INTS2: variants seen among roughly 807,000 people sequenced by gnomAD.
The protein encoded by INTS2 is KIAA1287.
A neutral mutation model predicts 139.6 loss-of-function variants in INTS2; 57 were observed. The ratio of observed to expected loss-of-function variants is 0.41; its 90% CI spans 0.33 to 0.51. The LOEUF is 0.51. INTS2 is among the 20% of genes least tolerant of loss of function. The pLI, the probability that INTS2 is intolerant of heterozygous loss-of-function variation, is 0.28. For synonymous variants in INTS2, 473 were observed against 493.4 expected (o/e 0.96, Z 0.55); for missense variants, 1,196 against 1,436.7 (o/e 0.83, Z 2.71).
chr17:61,878,734 A>G (rs1175934680), intron 17 of INTS2, among the ~76,000 whole-genome samples: 1 of 151,904 alleles, frequency 6.6e-6, no homozygotes, highest in Non-Finnish European at 1.5e-5. Context: ...ATGAGTCCAG[A>G]AGTTCAAGAC....
chr17:61,889,994 C>T, intron 14 of INTS2, 100 bp from the exon 15 acceptor site: 1 of 697,270 alleles, frequency 1.4e-6, no homozygotes, highest in Non-Finnish European at 2.5e-6. Flanking sequence ...TTCAGCATTG[C>T]TGCTCCTAAC....
chr17:61,911,371 T>C (rs189221213), intron 7 of INTS2, 149 bp downstream of exon 7: 39 of 552,880 alleles, frequency 7.1e-5, no homozygotes, highest in Non-Finnish European at 8.4e-5. Context: ...TTGGTATCCT[T>C]AGTGATTTTT....
At position 61,909,819 on chromosome 17, in the gene INTS2, G is replaced by A. The variant is rs200173358; in HGVS notation, c.954+1701C>T. On this transcript the variant is annotated intron_variant, in intron 7 of 24. Transcript: ENST00000251334. This position sits in a 1 kb window ranked among gnomAD's most constrained non-coding sequence, Gnocchi z 4.9. ...CATATATACGTGTGTGTGTACATGT[G>A]TGTATGTGTGTGTGTGTGTGTGTGT... Among the ~76,000 whole-genome samples, 492 of 64,442 alleles carry A rather than the reference G, an allele frequency of 7.6e-3. 3 individuals carry two copies. Among genetic ancestry groups the A allele is most frequent in the Middle Eastern group, 0.018 (3 of 170 alleles). 42.3% of individuals were successfully genotyped at this position (64,442 alleles called of 152,430 possible). A position where few individuals can be genotyped will look rare whatever the true frequency, so the allele number is the denominator to read the frequency against.
Position 61,897,812 on chromosome 17 carries a change from G to GTTATTTT in INTS2, c.1308-80_1308-74dup. ...GCATATGAATAAAAAGCATTCTGAA[G>GTTATTTT]TTATTTTTGGTAGAAATTATTTTTC... On this transcript the variant is annotated intron_variant, in intron 9 of 24. Transcript: ENST00000251334. This position sits in a 1 kb window ranked among gnomAD's most constrained non-coding sequence, Gnocchi z 4.4. 9.7e-7 allele frequency: 1 copy of GTTATTTT among 1,032,208 alleles called. No individual in the cohort carries two copies. The highest frequency in any genetic ancestry group is 2.5e-4 in the Middle Eastern group (1 of 3,934). 63.9% of individuals were successfully genotyped at this position (1,032,208 alleles called of 1,614,324 possible).
chr17:61,878,950 A>AAAC (rs2079152010), intron 17 of INTS2, among the ~76,000 whole-genome samples: 2 of 150,760 alleles, frequency 1.3e-5, no homozygotes, highest in East Asian at 1.9e-4. Context: ...AAAAAAAAAA[A>AAAC]AAAACACTTT....
chr17:61,868,945 G>GA lies in INTS2; in HGVS notation c.3244+88dup. ...TGTATCATACTGTCTCAGAGTGACAGAAAAAACATATTGCATCACTAAATG... is the reference window on the plus strand; with the variant it reads ...TGTATCATACTGTCTCAGAGTGACAGAAAAAAACATATTGCATCACTAAATG... On this transcript the variant is annotated intron_variant, in intron 23 of 24. Coordinates refer to ENST00000251334, the MANE Select transcript of INTS2 (RefSeq NM_001351695.2). This position sits in a 1 kb window ranked among gnomAD's most constrained non-coding sequence, Gnocchi z 4.7. The GA allele has an allele frequency of 2.6e-6, 2 of 774,460 alleles. No individual in the cohort carries two copies. Among genetic ancestry groups the GA allele is most frequent in the Non-Finnish European group, 4.4e-6 (2 of 454,666 alleles). 48.0% of individuals were successfully genotyped at this position (774,460 alleles called of 1,614,324 possible). A position where few individuals can be genotyped will look rare whatever the true frequency, so the allele number is the denominator to read the frequency against.
At position 61,877,901 on chromosome 17, in the gene INTS2, A is replaced by G. The variant is rs2079139746; in HGVS notation, c.2442T>C (p.Thr814=). 4 of 1,611,892 alleles carry G rather than the reference A, an allele frequency of 2.5e-6. No individual in the cohort carries two copies. The highest frequency in any genetic ancestry group is 2.5e-6 in the Non-Finnish European group (3 of 1,177,996). ...TVNKLWMVLN[T]VMPRRLWVMT... ...ACTGAATTTACCTTCTAGGCATCAC[A>G]GTATTAAGAACCATCCATAGTTTAT... Residue 814 remains threonine, a synonymous_variant, in exon 18 of 25, where the codon ACT becomes ACC. Coordinates refer to ENST00000251334, the MANE Select transcript of INTS2 (RefSeq NM_001351695.2).
intron 17 of INTS2, among the ~76,000 whole-genome samples, chr17:61,879,563 T>G (rs989443811): frequency 2.6e-5 from 4 of 152,176 alleles, no homozygotes; most frequent in Admixed American, 1.3e-4. Flanking sequence ...TGAAATAATA[T>G]TGGCAGGCCA....
At chr17:61,890,613 A>G (rs1241190336) in intron 14 of INTS2, among the ~76,000 whole-genome samples, 2 of 151,326 alleles carry the variant, frequency 1.3e-5, no homozygotes, top group Non-Finnish European at 2.9e-5. Context: ...CTGTCTCAAA[A>G]AAAAAAAAAA....
intron 2 of INTS2, 36 bp from the exon 3 acceptor site, chr17:61,925,135 C>T (rs779873140): frequency 1.1e-5 from 17 of 1,578,238 alleles, no homozygotes; most frequent in Non-Finnish European, 1.5e-5. Flanking sequence ...ATTATGAAAA[C>T]ACTGATATGG....
Position 61,872,551 on chromosome 17 carries a change from A to C in INTS2, c.2583-91T>G. ...CATGATCAATTTAGTTTAAATGCTG[A>C]GAAAAACCTGAGTAGTACATACTAA... is the stretch of plus-strand genomic sequence containing the variant. On this transcript the variant is annotated intron_variant, in intron 19 of 24. Coordinates refer to ENST00000251334, the MANE Select transcript of INTS2 (RefSeq NM_001351695.2). This position sits in a 1 kb window ranked among gnomAD's most constrained non-coding sequence, Gnocchi z 4.8. 2.4e-6 allele frequency: 2 copies of C among 839,004 alleles called. No homozygotes were observed. Among genetic ancestry groups the C allele is most frequent in the Non-Finnish European group, 3.5e-6 (2 of 571,210 alleles). 52.0% of individuals were successfully genotyped at this position (839,004 alleles called of 1,614,324 possible).
At position 61,921,730 on chromosome 17, in the gene INTS2, T is replaced by C. The variant is rs767170204; in HGVS notation, c.530A>G (p.Gln177Arg). 6.4e-7 allele frequency: 1 copy of C among 1,562,980 alleles called. No individual in the cohort carries two copies. The highest frequency in any genetic ancestry group is 8.7e-7 in the Non-Finnish European group (1 of 1,143,036). Residue 177 changes from glutamine to arginine, a missense_variant, in exon 4 of 25, where the codon CAA (glutamine) becomes CGA (arginine). Physicochemically the swap from Gln to Arg is conservative, Grantham distance 43 (BLOSUM62 1). Transcript: ENST00000251334. Reference sequence around the variant, plus strand: ...CTTAGCACTCAGTACAGTACCTGCTTGTAAAATACAAAGTACATCTGCAGC... The same window carrying C: ...CTTAGCACTCAGTACAGTACCTGCTCGTAAAATACAAAGTACATCTGCAGC... ...EEAADVLCIL[Q>R]AELPSLLPIV...
Position 61,911,441 on chromosome 17 carries a change from A to G in INTS2, c.954+79T>C, listed in dbSNP as rs2079525306. The G allele has an allele frequency of 5.5e-6, 7 of 1,266,102 alleles. No individual in the cohort carries two copies. The East Asian group carries it at 1.5e-4, about 27-fold the overall frequency. 78.4% of individuals were successfully genotyped at this position (1,266,102 alleles called of 1,614,324 possible). ...TGAGAACCACTTGTCTAATGACATC[A>G]TTCAAAAAATGTTTCTTTCTCTTTT... On this transcript the variant is annotated intron_variant, in intron 7 of 24. Transcript: ENST00000251334.
At chr17:61,918,923 GTTT>G (rs561665201) in intron 5 of INTS2, among the ~76,000 whole-genome samples, 4 of 131,018 alleles carry the variant, frequency 3.1e-5, no homozygotes, top group South Asian at 2.4e-4. Flanking sequence ...GTTCCTTGGG[GTTT>G]TTTTTTTTTT....
At chr17:61,911,884 A>G (rs2079530119) in intron 6 of INTS2, 56 bp downstream of exon 6, 2 of 1,558,054 alleles carry the variant, frequency 1.3e-6, no homozygotes, top group Non-Finnish European at 1.7e-6. Context: ...CATCTTGAGA[A>G]GAGTTCTTGG....
In INTS2 at chr17:61,869,012, T is replaced by C. The variant is rs1354396199; in HGVS notation, c.3244+22A>G. The C allele has an allele frequency of 1.6e-6, 2 of 1,288,684 alleles. No homozygotes were observed. The highest frequency in any genetic ancestry group is 2.3e-5 in the East Asian group (1 of 43,354). The allele number at this position is 1,288,684 out of a possible 1,614,324, so 79.8% of individuals were successfully genotyped here. A position where few individuals can be genotyped will look rare whatever the true frequency, so the allele number is the denominator to read the frequency against. On this transcript the variant is annotated intron_variant, in intron 23 of 24. Coordinates refer to ENST00000251334, the MANE Select transcript of INTS2 (RefSeq NM_001351695.2). The surrounding 1 kb of genome is among the most constrained non-coding windows in gnomAD (Gnocchi z 5.4). ...TATAATAATTTATGTCAGATGTTTG[T>C]TGATGTTGATTGGCTACATACCTGT...
intron 9 of INTS2, among the ~76,000 whole-genome samples, chr17:61,898,560 T>C (rs1197806810): frequency 1.3e-5 from 2 of 152,124 alleles, no homozygotes; most frequent in African/African-American, 4.8e-5. Context: ...CCTCCCAAAG[T>C]GCTGGAATTA....
chr17:61,896,053 A>C (rs2079344809), intron 11 of INTS2, among the ~76,000 whole-genome samples: 1 of 152,036 alleles, frequency 6.6e-6, no homozygotes, highest in South Asian at 2.1e-4. Flanking sequence ...CATCCTGGCT[A>C]ACACAGTGAA....
chr17:61,906,028 T>C (rs2079459124), intron 8 of INTS2, among the ~76,000 whole-genome samples: 1 of 152,182 alleles, frequency 6.6e-6, no homozygotes, highest in Admixed American at 6.5e-5. Flanking sequence ...CAACTGTCTC[T>C]TCCAATTATC....
Sources: gnomAD v4.1 joint callset for allele counts (sites outside exome capture counted in the v4.1 genomes callset) on GRCh38, gnomAD v4.1.1 for gene constraint, Gnocchi (gnomAD v3.1) non-coding constraint, MANE v1.5 for transcripts, NCBI Gene and HGNC (gene_info 2026-07-23, HGNC 2026-07-21) for gene names.